The following TPRG1 variants were observed in gnomAD, a reference collection of about 807,000 sequenced individuals.
The protein encoded by TPRG1 is tumor protein p63-regulated gene 1 protein.
Under a neutral mutation model 29.3 loss-of-function variants are expected in TPRG1, and 29 were observed. That is an observed-to-expected ratio of 0.99 (90% confidence interval 0.74 to 1.35). TPRG1 has a LOEUF of 1.35. TPRG1 is among the 40% of genes most tolerant of loss of function. The pLI is 0.00. For missense variants in TPRG1, 327 were observed against 335.0 expected, an observed-to-expected ratio of 0.98 and a Z score of 0.19; for synonymous variants, 130 against 116.8, an observed-to-expected ratio of 1.11 and a Z score of -0.73.
intron 1 of TPRG1, among the ~76,000 whole-genome samples, chr3:189,181,192 G>A (rs1730168651): frequency 6.6e-6 from 1 of 152,214 alleles, no homozygotes; most frequent in African/African-American, 2.4e-5. Context: ...CCTGTGATGG[G>A]AGGGGCTGCT....
chr3:189,006,404 G>A (rs1385718664), intron 3 of TPRG1, among the ~76,000 whole-genome samples: 4 of 152,172 alleles, frequency 2.6e-5, no homozygotes, highest in African/African-American at 9.7e-5. Context: ...CAGGCACTGA[G>A]GAGAAGGTAG....
At chr3:189,293,177 G>A (rs1378936910) in intron 4 of TPRG1, among the ~76,000 whole-genome samples, 1 of 152,136 alleles carries the variant, frequency 6.6e-6, no homozygotes, top group Non-Finnish European at 1.5e-5. Context: ...CTGTTTTGTT[G>A]TTCCCCAGGT....
rs763953892 is a variant in TPRG1 at position 189,320,855 on chromosome 3, G to A, written c.*35G>A. 2.0e-6 allele frequency: 3 copies of A among 1,469,422 alleles called. No individual in the cohort carries two copies. Among genetic ancestry groups the A allele is most frequent in the South Asian group, 1.5e-5 (1 of 68,516 alleles). 91.0% of individuals were successfully genotyped at this position (1,469,422 alleles called of 1,614,324 possible). A position where few individuals can be genotyped will look rare whatever the true frequency, so the allele number is the denominator to read the frequency against. On this transcript the variant is annotated 3_prime_UTR_variant, in exon 6 of 6. Coordinates refer to ENST00000345063, the MANE Select transcript of TPRG1 (RefSeq NM_198485.4). ...TGGTACCATAAGCATATCATCCACA[G>A]ATATGTCACTTTGAAAATTCCAGTT...
At chr3:189,178,749 T>G (rs1159894273) in intron 1 of TPRG1, among the ~76,000 whole-genome samples, 5 of 152,218 alleles carry the variant, frequency 3.3e-5, no homozygotes, top group Non-Finnish European at 7.3e-5. Context: ...CTTCACTGCC[T>G]TACTCTACTC....
chr3:189,313,873 T>C (rs11920272), intron 5 of TPRG1, among the ~76,000 whole-genome samples: 8,896 of 152,220 alleles, frequency 0.058, 601 homozygotes, highest in African/African-American at 0.16. Context: ...CATGAGAGTA[T>C]GCAGAAGGTT....
intron 1 of TPRG1, among the ~76,000 whole-genome samples, chr3:189,179,441 G>C (rs1257344946): frequency 6.6e-6 from 1 of 152,062 alleles, no homozygotes; most frequent in Non-Finnish European, 1.5e-5. Context: ...CTGAATACTT[G>C]GTGTGTCTCT....
At chr3:189,186,272 G>A (rs901145551) in intron 1 of TPRG1, among the ~76,000 whole-genome samples, 1 of 152,144 alleles carries the variant, frequency 6.6e-6, no homozygotes, top group Non-Finnish European at 1.5e-5. Context: ...GAGGGTGAGA[G>A]GGGAATTTTT....
intron 1 of TPRG1, among the ~76,000 whole-genome samples, chr3:189,192,723 A>G (rs564354912): frequency 6.6e-6 from 1 of 152,228 alleles, no homozygotes; most frequent in South Asian, 2.1e-4. Context: ...TTCTGTCATT[A>G]TAAGGTTTGC....
Position 189,129,096 on chromosome 3 carries a change from A to G in TPRG1, c.-590+1886A>G, listed in dbSNP as rs562613390. Among the ~76,000 whole-genome samples, 37 of 152,344 alleles carry G rather than the reference A, an allele frequency of 2.4e-4. No homozygotes were observed. In the South Asian group the frequency reaches 7.5e-3, roughly 31 times the overall value. On this transcript the variant is annotated intron_variant, in intron 2 of 6. Transcript: ENST00000412373. Reference sequence around the variant, plus strand: ...GAAATTAACTTTAGTACTATTCACTAAAGTATGGACTTTATACATATTTCA... The same window carrying G: ...GAAATTAACTTTAGTACTATTCACTGAAGTATGGACTTTATACATATTTCA...
intron 3 of TPRG1, among the ~76,000 whole-genome samples, chr3:189,010,814 T>G (rs1712559933): frequency 6.6e-6 from 1 of 151,516 alleles, no homozygotes; most frequent in Admixed American, 6.6e-5. Context: ...GCTTTTGGCA[T>G]CTTCCTCATG....
chr3:189,184,595 G>A (rs1305843072), intron 1 of TPRG1, among the ~76,000 whole-genome samples: 2 of 152,030 alleles, frequency 1.3e-5, no homozygotes, highest in Non-Finnish European at 2.9e-5. Flanking sequence ...ATTAAATGAG[G>A]CCAAATAATT....
At chr3:189,259,866 GCATCTGAAA>G (rs1389766830) in intron 4 of TPRG1, among the ~76,000 whole-genome samples, 34 of 152,252 alleles carry the variant, frequency 2.2e-4, no homozygotes, top group African/African-American at 7.7e-4. Flanking sequence ...GATGATGGTA[GCATCTGAAA>G]CATGAAATTC....
At chr3:189,231,943 TTGTG>T (rs10576562) in intron 3 of TPRG1, among the ~76,000 whole-genome samples, 30,237 of 147,598 alleles carry the variant, frequency 0.2, 3,276 homozygotes, top group East Asian at 0.31. Flanking sequence ...CAAACCTGGT[TTGTG>T]TGTGTGTGTG....
At chr3:189,016,229 A>G (rs1175890212) in intron 3 of TPRG1, among the ~76,000 whole-genome samples, 1 of 152,124 alleles carries the variant, frequency 6.6e-6, no homozygotes, top group Admixed American at 6.5e-5. Context: ...AGATTTAAAG[A>G]CTGCCCTGCT....
At chr3:189,051,657 G>A (rs911465771) in intron 4 of TPRG1, among the ~76,000 whole-genome samples, 2 of 151,936 alleles carry the variant, frequency 1.3e-5, no homozygotes, top group African/African-American at 4.8e-5. Flanking sequence ...AGCAAAAAGA[G>A]CAAATCTGGA....
At chr3:189,074,755 A>G (rs984104384) in intron 4 of TPRG1, among the ~76,000 whole-genome samples, 16 of 151,264 alleles carry the variant, frequency 1.1e-4, no homozygotes, top group Non-Finnish European at 1.6e-4. Context: ...CTTTTATGTT[A>G]TTTCATCATT....
intron 5 of TPRG1, among the ~76,000 whole-genome samples, chr3:189,163,814 C>T (rs557318559): frequency 6.6e-6 from 1 of 152,192 alleles, no homozygotes; most frequent in African/African-American, 2.4e-5. Flanking sequence ...CTGGAGTGGG[C>T]ACCCTTTGGC....
chr3:189,097,699 TC>T (rs1396642911), upstream of TPRG1, among the ~76,000 whole-genome samples: 3 of 152,244 alleles, frequency 2.0e-5, no homozygotes, highest in African/African-American at 4.8e-5. Context: ...TGGGTTCACT[TC>T]CTTAAATGTG....
intron 3 of TPRG1, among the ~76,000 whole-genome samples, chr3:189,220,394 G>A (rs1162043265): frequency 6.6e-6 from 1 of 152,008 alleles, no homozygotes; most frequent in South Asian, 2.1e-4. Context: ...ATGTTTTGAT[G>A]TCCATGCATT....
Sources: gnomAD v4.1 joint callset for allele counts (sites outside exome capture counted in the v4.1 genomes callset) on GRCh38, gnomAD v4.1.1 for gene constraint, MANE v1.5 for transcripts, NCBI Gene and HGNC (gene_info 2026-07-23, HGNC 2026-07-21) for gene names.